The following NAPG variants were observed in gnomAD, a reference collection of about 807,000 sequenced individuals.
NAPG encodes the protein NSF attachment protein gamma, also known as gamma-soluble NSF attachment protein.
NAPG carries 25 observed loss-of-function variants against 48.4 expected under a neutral mutation model. That is an observed-to-expected ratio of 0.52 (90% CI 0.38 to 0.72). NAPG has a LOEUF of 0.72. Among genes scored for constraint, NAPG ranks in the 30% least tolerant of loss-of-function variants. NAPG has a pLI of 0.00. For synonymous variants in NAPG, 139 were observed against 127.2 expected (o/e 1.09, Z -0.62); for missense variants, 359 against 372.5 (o/e 0.96, Z 0.30).
In NAPG at chr18:10,548,328, A is replaced by G; in HGVS notation, c.615A>G (p.Leu205=). 2 of 1,613,806 alleles carry G rather than the reference A, an allele frequency of 1.2e-6. No individual in the cohort carries two copies. Residue 205 remains leucine, a synonymous_variant, in exon 10 of 12, where the codon CTA becomes CTG. Transcript: ENST00000322897. This position sits in a 1 kb window ranked among gnomAD's most constrained non-coding sequence, Gnocchi z 4.4. The stretch of plus-strand genomic sequence containing the variant: ...CAATTGCTCAAGTCTTAGTTCATCT[A>G]CACAGAAATGACTATGTAGCTGCAG... ...KKTIAQVLVH[L]HRNDYVAAER...
Position 10,550,834 on chromosome 18 carries a change from C to T in NAPG, c.*614C>T, listed in dbSNP as rs2032373627. Reference sequence around the variant, plus strand: ...TGAGTTTGAAAAATTTTGAAGGTAGCATATTGAAGTGATCTATAAATATCT... The same window carrying T: ...TGAGTTTGAAAAATTTTGAAGGTAGTATATTGAAGTGATCTATAAATATCT... On this transcript the variant is annotated 3_prime_UTR_variant, in exon 12 of 12. Transcript: ENST00000322897. The T allele has an allele frequency of 6.6e-6, 1 of 152,076 alleles. No homozygotes were observed. Among genetic ancestry groups the T allele is most frequent in the African/African-American group, 2.4e-5 (1 of 41,402 alleles). The allele number at this position is 152,076 out of a possible 1,614,324, so 9.4% of individuals were successfully genotyped here.
chr18:10,538,132 G>A (rs499169), intron 5 of NAPG, among the ~76,000 whole-genome samples: 59,360 of 151,790 alleles, frequency 0.39, 12,030 homozygotes, highest in African/African-American at 0.5. Context: ...TTAGACATTA[G>A]GACTGCATGA....
rs866411718 is a variant in NAPG, at chr18:10,549,988, G to C, written c.796-89G>C. The C allele has an allele frequency of 6.6e-6, 9 of 1,354,038 alleles. No homozygotes were observed. The South Asian group carries it at 1.3e-4, about 20-fold the overall frequency. The allele number at this position is 1,354,038 out of a possible 1,614,324, so 83.9% of individuals were successfully genotyped here. A position where few individuals can be genotyped will look rare whatever the true frequency, so the allele number is the denominator to read the frequency against. On this transcript the variant is annotated intron_variant, in intron 11 of 11. Coordinates refer to ENST00000322897, the MANE Select transcript of NAPG (RefSeq NM_003826.3). ...GGTAGAATTGGTGTTCCTGAGGGTG[G>C]GGAGCCAGGCTGTGTCTTTTTAGAG... is the stretch of plus-strand genomic sequence containing the variant.
chr18:10,532,065 A>G (rs1464683793), intron 2 of NAPG, among the ~76,000 whole-genome samples: 1 of 151,388 alleles, frequency 6.6e-6, no homozygotes, highest in Non-Finnish European at 1.5e-5. Context: ...GCAACCCTTG[A>G]TAAGTTTTCC....
At chr18:10,540,666 A>G (rs1272748866) in intron 8 of NAPG, 13 of 313,338 alleles carry the variant, frequency 4.1e-5, no homozygotes, top group South Asian at 1.2e-4. Context: ...CATGAAAGGG[A>G]ACAGTTTCCT....
In NAPG at chr18:10,550,104, G is replaced by A. The variant is rs1225175007; in HGVS notation, c.823G>A (p.Val275Ile). ...DYAKLGLSLV[V>I]PGGGIKKKSP... ...TGCTAAGCTGGGCCTGAGTTTGGTG[G>A]TTCCAGGAGGGGGAATCAAGAAGAA... Residue 275 changes from valine to isoleucine, a missense_variant, in exon 12 of 12, where the codon GTT (valine) becomes ATT (isoleucine). Coordinates refer to ENST00000322897, the MANE Select transcript of NAPG (RefSeq NM_003826.3). 2 of 1,570,534 alleles carry A rather than the reference G, an allele frequency of 1.3e-6. No homozygotes were observed. Among genetic ancestry groups the A allele is most frequent in the Non-Finnish European group, 1.7e-6 (2 of 1,162,950 alleles).
intron 2 of NAPG, among the ~76,000 whole-genome samples, chr18:10,532,236 A>C (rs1463982964): frequency 6.6e-6 from 1 of 152,218 alleles, no homozygotes; most frequent in Non-Finnish European, 1.5e-5. Flanking sequence ...ATGCATTGTT[A>C]GACATTTAAA....
intron 2 of NAPG, among the ~76,000 whole-genome samples, chr18:10,531,299 C>A (rs890589593): frequency 2.6e-5 from 4 of 152,034 alleles, no homozygotes; most frequent in South Asian, 2.1e-4. Context: ...TGTATCTGTT[C>A]AGTGTTCATG....
Position 10,548,945 on chromosome 18 carries a change from G to T in NAPG, c.666-22G>T, listed in dbSNP as rs749696288. 4 of 1,608,726 alleles carry T rather than the reference G, an allele frequency of 2.5e-6. No individual in the cohort carries two copies. Among genetic ancestry groups the T allele is most frequent in the Non-Finnish European group, 3.4e-6 (4 of 1,176,754 alleles). On this transcript the variant is annotated intron_variant, in intron 10 of 11. Coordinates refer to ENST00000322897, the MANE Select transcript of NAPG (RefSeq NM_003826.3). This position sits in a 1 kb window ranked among gnomAD's most constrained non-coding sequence, Gnocchi z 4.4. ...GTTCTTTTAAGGAGAAGGTGAAGAC[G>T]TGTGATTTGTGCTTACTGCAGCATC...
At chr18:10,529,153 T>G (rs1457265341) in intron 1 of NAPG, among the ~76,000 whole-genome samples, 1 of 152,244 alleles carries the variant, frequency 6.6e-6, no homozygotes, top group Non-Finnish European at 1.5e-5. Flanking sequence ...TCTTTCCGTG[T>G]ATAGCACATT....
At position 10,548,780 on chromosome 18, in the gene NAPG, G is replaced by C. The variant is rs2032321987; in HGVS notation, c.666-187G>C. ...TGGATAATTCTTTGTGGTCGGGCCT[G>C]TCCTGTGCACTGTAGGCTGGTTAGC... On this transcript the variant is annotated intron_variant, in intron 10 of 11. Coordinates refer to ENST00000322897, the MANE Select transcript of NAPG (RefSeq NM_003826.3). This position sits in a 1 kb window ranked among gnomAD's most constrained non-coding sequence, Gnocchi z 4.4. Among the ~76,000 whole-genome samples, 1 of 152,188 alleles carries C rather than the reference G, an allele frequency of 6.6e-6. No homozygotes were observed. Among genetic ancestry groups the C allele is most frequent in the African/African-American group, 2.4e-5 (1 of 41,436 alleles).
At chr18:10,545,266 G>C (rs501618) in intron 8 of NAPG, among the ~76,000 whole-genome samples, 131,955 of 152,148 alleles carry the variant, frequency 0.87, 57,660 homozygotes, top group East Asian at 1. Flanking sequence ...GAGCCGAGAT[G>C]TCGCCACTGC....
chr18:10,530,328 AT>A (rs1030606088), intron 1 of NAPG, among the ~76,000 whole-genome samples: 2 of 150,060 alleles, frequency 1.3e-5, no homozygotes, highest in African/African-American at 4.9e-5. Flanking sequence ...ACATATGCTT[AT>A]GATGCCTCCA....
rs151229518 is a variant in NAPG, at chr18:10,539,513, G to A, written c.259-249G>A. ...AACATCACACTCCTGGGCCTGTCGG[G>A]GGCTGGGGAATAAGGGGAGGGAGAG... is the stretch of plus-strand genomic sequence containing the variant. On this transcript the variant is annotated intron_variant, in intron 5 of 11. Coordinates refer to ENST00000322897, the MANE Select transcript of NAPG (RefSeq NM_003826.3). The surrounding 1 kb of genome is among the most constrained non-coding windows in gnomAD (Gnocchi z 4.7). 4.8e-4 allele frequency: 194 copies of A among 402,828 alleles called. 1 individual carries two copies. Among genetic ancestry groups the A allele is most frequent in the African/African-American group, 3.6e-3 (175 of 49,244 alleles). The allele number at this position is 402,828 out of a possible 1,614,324, so 25.0% of individuals were successfully genotyped here.
intron 8 of NAPG, among the ~76,000 whole-genome samples, chr18:10,540,935 T>A (rs914048134): frequency 3.3e-5 from 5 of 149,448 alleles, no homozygotes; most frequent in African/African-American, 1.2e-4. Flanking sequence ...GTAAACAATT[T>A]TTTTCATTAA....
In NAPG at chr18:10,540,392, G is replaced by A; in HGVS notation, c.499G>A (p.Gly167Arg). ...LGKASRLLVR[G>R]RRFDEAALSI... is the part of the protein sequence containing the mutation. The stretch of plus-strand genomic sequence containing the variant: ...AAAAGCCTCCAGACTACTAGTACGA[G>A]GACGTAGGTATGTCTTTAAAAACTA... Residue 167 changes from glycine to arginine, a missense_variant, in exon 8 of 12, where the codon GGA (glycine) becomes AGA (arginine). Transcript: ENST00000322897. 1 of 1,612,692 alleles carries A rather than the reference G, an allele frequency of 6.2e-7. No homozygotes were observed. Among genetic ancestry groups the A allele is most frequent in the Non-Finnish European group, 8.5e-7 (1 of 1,179,002 alleles).
intron 3 of NAPG, 86 bp from the exon 4 acceptor site, chr18:10,533,450 A>T: frequency 8.2e-7 from 1 of 1,215,302 alleles, no homozygotes; most frequent in Non-Finnish European, 1.1e-6. Context: ...TCAGTGATTT[A>T]GTTAACTGTC....
In NAPG at chr18:10,540,070, ATTT is replaced by A. The variant is rs767213842; in HGVS notation, c.435+21_435+23del. The A allele has an allele frequency of 3.3e-6, 5 of 1,534,514 alleles. No individual in the cohort carries two copies. In the African/African-American group the frequency reaches 6.9e-5, roughly 21 times the overall value. On this transcript the variant is annotated intron_variant, in intron 7 of 11. Transcript: ENST00000322897. ...TGTGTTTGAAGTAAGTTTGAATCTT[ATTT>A]TTTTCTTTAATTACTTAGAATGTTT...
Position 10,549,035 on chromosome 18 carries a change from A to C in NAPG, c.734A>C (p.Gln245Pro). 1 of 1,613,982 alleles carries C rather than the reference A, an allele frequency of 6.2e-7. No homozygotes were observed. Among genetic ancestry groups the C allele is most frequent in the Non-Finnish European group, 8.5e-7 (1 of 1,179,844 alleles). ...CAGCTTCTTGAAGGTTATGACCAGCAAGACCAAGATCAGGTGTCAGATGTC... is the reference window on the plus strand; with the variant it reads ...CAGCTTCTTGAAGGTTATGACCAGCCAGACCAAGATCAGGTGTCAGATGTC... ...LEQLLEGYDQ[Q>P]DQDQVSDVCN... Residue 245 changes from glutamine (Q) to proline (P), a missense_variant, in exon 11 of 12, where the codon CAA (glutamine) becomes CCA (proline). Transcript: ENST00000322897.
Sources: allele counts gnomAD v4.1 joint callset (sites outside exome capture counted in the v4.1 genomes callset), GRCh38; gene constraint gnomAD v4.1.1; non-coding constraint Gnocchi (gnomAD v3.1); transcripts MANE v1.5; gene names NCBI Gene and HGNC (gene_info 2026-07-23, HGNC 2026-07-21).